Variants in SHMT1 observed in about 807,000 individuals in gnomAD.
SHMT1 encodes the protein serine hydroxymethyltransferase 1.
SHMT1 carries 45 observed loss-of-function variants against 49.0 expected under a neutral mutation model. The observed-to-expected ratio is 0.92, with a 90% CI of 0.72 to 1.18. The LOEUF (loss-of-function observed/expected upper bound fraction) is 1.18. Among genes scored for constraint, SHMT1 ranks in the 50% most tolerant of loss-of-function variants. The probability of loss-of-function intolerance (pLI) is 0.00; values close to 1 mark genes in which losing one functional copy is unlikely to be tolerated. For missense variants in SHMT1, 541 were observed against 612.4 expected, an observed-to-expected ratio of 0.88 and a Z score of 1.23; for synonymous variants, 232 against 246.6, an observed-to-expected ratio of 0.94 and a Z score of 0.55.
intron 9 of SHMT1, chr17:18,332,816 C>T: frequency 5.3e-6 from 2 of 375,160 alleles, no homozygotes; most frequent in South Asian, 4.1e-5. Flanking sequence ...CAAGGCATCA[C>T]CACACAGTCC....
intron 1 of SHMT1, among the ~76,000 whole-genome samples, chr17:18,356,658 A>G (rs143993604): frequency 4.2e-4 from 64 of 152,254 alleles, no homozygotes; most frequent in African/African-American, 1.5e-3. Flanking sequence ...ATCAAAGCTC[A>G]TCGAAACCTG....
Position 18,333,147 on chromosome 17 carries a change from A to G in SHMT1, c.1054+19T>C, listed in dbSNP as rs778072543. ...ACAACCACAAGAACAGGCCTGCTGA[A>G]CACCATCTGTGTCTCTACCTGTGAC... On this transcript the variant is annotated intron_variant, in intron 9 of 11. Transcript: ENST00000316694. 27 of 1,613,742 alleles carry G rather than the reference A, an allele frequency of 1.7e-5. No individual in the cohort carries two copies. Among genetic ancestry groups the G allele is most frequent in the African/African-American group, 2.7e-5 (2 of 74,912 alleles).
Position 18,340,486 on chromosome 17 carries a change from G to A in SHMT1, c.602-231C>T. 1.5e-6 allele frequency: 1 copy of A among 669,424 alleles called. No homozygotes were observed. The highest frequency in any genetic ancestry group is 2.7e-6 in the Non-Finnish European group (1 of 375,972). 41.5% of individuals were successfully genotyped at this position (669,424 alleles called of 1,614,324 possible). The stretch of plus-strand genomic sequence containing the variant: ...GGCCCCAACTACTATTGCCAGCGCA[G>A]TCAGGGCCTGACATTTCTAGATGCT... On this transcript the variant is annotated intron_variant, in intron 6 of 11. Transcript: ENST00000316694. The surrounding 1 kb of genome is among the most constrained non-coding windows in gnomAD (Gnocchi z 4.5).
rs1378198135 is a variant in SHMT1, at chr17:18,340,454, T to C, written c.602-199A>G. ...CTCTAACTCTTCAACGTCTTGGTGG[T>C]TGAGATGGCCCCAACTACTATTGCC... On this transcript the variant is annotated intron_variant, in intron 6 of 11. Coordinates refer to ENST00000316694, the MANE Select transcript of SHMT1 (RefSeq NM_004169.5). The surrounding 1 kb of genome is among the most constrained non-coding windows in gnomAD (Gnocchi z 4.5). The C allele has an allele frequency of 2.9e-6, 2 of 690,864 alleles. No homozygotes were observed. The highest frequency in any genetic ancestry group is 5.1e-6 in the Non-Finnish European group (2 of 394,504). The allele number at this position is 690,864 out of a possible 1,614,324, so 42.8% of individuals were successfully genotyped here.
intron 1 of SHMT1, among the ~76,000 whole-genome samples, chr17:18,361,316 C>T (rs8072821): frequency 5.9e-5 from 7 of 117,778 alleles, no homozygotes; most frequent in Admixed American, 5.2e-4. Flanking sequence ...AAAAAAAAAA[C>T]AAAAACAAAA....
At chr17:18,352,110 A>G (rs988056291) in intron 3 of SHMT1, among the ~76,000 whole-genome samples, 1 of 149,056 alleles carries the variant, frequency 6.7e-6, no homozygotes, top group African/African-American at 2.5e-5. Flanking sequence ...CTCTTAAAGC[A>G]CTGGGATTAC....
At chr17:18,356,633 G>A (rs1413199628) in intron 1 of SHMT1, among the ~76,000 whole-genome samples, 2 of 152,058 alleles carry the variant, frequency 1.3e-5, no homozygotes, top group Admixed American at 6.6e-5. Context: ...ATGCCTGGCC[G>A]CAGCATTATA....
intron 7 of SHMT1, 82 bp from the exon 8 acceptor site, chr17:18,335,757 G>C: frequency 1.0e-6 from 1 of 997,956 alleles, no homozygotes; most frequent in Non-Finnish European, 1.6e-6. Flanking sequence ...GACTGGCCAG[G>C]GAAGAATCAA....
chr17:18,358,120 G>GC (rs1986418629), intron 1 of SHMT1, among the ~76,000 whole-genome samples: 1 of 132,916 alleles, frequency 7.5e-6, no homozygotes, highest in South Asian at 2.9e-4. Context: ...ACAGGTGTGA[G>GC]CCACCGCGCC....
chr17:18,329,011 C>T, intron 11 of SHMT1, 92 bp from the exon 12 acceptor site: 5 of 1,522,392 alleles, frequency 3.3e-6, no homozygotes, highest in Non-Finnish European at 4.5e-6. Context: ...AGAATGTCCC[C>T]CAGCTGGGGA....
At chr17:18,354,840 T>G (rs181675331) in intron 2 of SHMT1, among the ~76,000 whole-genome samples, 10 of 130,932 alleles carry the variant, frequency 7.6e-5, no homozygotes, top group African/African-American at 2.9e-4. Flanking sequence ...GAGATCAAGA[T>G]CATCCTGGCT....
intron 3 of SHMT1, among the ~76,000 whole-genome samples, chr17:18,350,286 G>A (rs535505843): frequency 2.0e-5 from 3 of 152,184 alleles, no homozygotes; most frequent in South Asian, 2.1e-4. Context: ...AGCCGAGATC[G>A]TGCCACTGCG....
intron 8 of SHMT1, among the ~76,000 whole-genome samples, chr17:18,333,881 A>G (rs1983511364): frequency 6.6e-6 from 1 of 152,180 alleles, no homozygotes; most frequent in Admixed American, 6.5e-5. Flanking sequence ...CAGGGCTCAG[A>G]TGATCCTCCC....
chr17:18,345,236 G>C (rs1223368335), intron 5 of SHMT1, among the ~76,000 whole-genome samples: 1 of 152,194 alleles, frequency 6.6e-6, no homozygotes, highest in Non-Finnish European at 1.5e-5. Context: ...TGGCTGGAGG[G>C]AACTGGGTGC....
In SHMT1 at chr17:18,340,482, C is replaced by T. The variant is rs1288630209; in HGVS notation, c.602-227G>A. The T allele has an allele frequency of 2.8e-5, 19 of 668,348 alleles. No homozygotes were observed. Among genetic ancestry groups the T allele is most frequent in the East Asian group, 2.2e-4 (8 of 36,946 alleles). The allele number at this position is 668,348 out of a possible 1,614,324, so 41.4% of individuals were successfully genotyped here. A position where few individuals can be genotyped will look rare whatever the true frequency, so the allele number is the denominator to read the frequency against. On this transcript the variant is annotated intron_variant, in intron 6 of 11. Coordinates refer to ENST00000316694, the MANE Select transcript of SHMT1 (RefSeq NM_004169.5). The surrounding 1 kb of genome is among the most constrained non-coding windows in gnomAD (Gnocchi z 4.5). ...AGATGGCCCCAACTACTATTGCCAG[C>T]GCAGTCAGGGCCTGACATTTCTAGA...
At chr17:18,329,867 T>C (rs542445195) in intron 10 of SHMT1, among the ~76,000 whole-genome samples, 76 of 151,944 alleles carry the variant, frequency 5.0e-4, no homozygotes, top group African/African-American at 1.5e-3. Context: ...TTTTTGTTTT[T>C]GTTTTTGTTT....
intron 5 of SHMT1, among the ~76,000 whole-genome samples, chr17:18,345,368 C>CT (rs910957929): frequency 7.2e-5 from 11 of 152,098 alleles, no homozygotes; most frequent in African/African-American, 2.7e-4. Flanking sequence ...AGTGGTTCTC[C>CT]TGCCTCAGCC....
intron 1 of SHMT1, among the ~76,000 whole-genome samples, chr17:18,358,958 A>G (rs1189015797): frequency 6.6e-6 from 1 of 151,424 alleles, no homozygotes; most frequent in Non-Finnish European, 1.5e-5. Flanking sequence ...AAATCTTCCT[A>G]AAGAATTACA....
chr17:18,362,773 A>C (rs1275348935), intron 1 of SHMT1, among the ~76,000 whole-genome samples: 1 of 152,200 alleles, frequency 6.6e-6, no homozygotes, highest in Non-Finnish European at 1.5e-5. Flanking sequence ...CCGGGCCAAG[A>C]ACTTCACAGT....
Sources: allele counts gnomAD v4.1 joint callset (sites outside exome capture counted in the v4.1 genomes callset), GRCh38; gene constraint gnomAD v4.1.1; non-coding constraint Gnocchi (gnomAD v3.1); transcripts MANE v1.5; gene names NCBI Gene and HGNC (gene_info 2026-07-23, HGNC 2026-07-21).